The following TENM4 variants were observed in gnomAD, a reference collection of about 807,000 sequenced individuals.
TENM4 encodes the protein teneurin-4.
Under a neutral mutation model 243.3 loss-of-function variants are expected in TENM4, and 82 were observed. That is an observed-to-expected ratio of 0.34 (90% CI 0.28 to 0.40). The LOEUF (loss-of-function observed/expected upper bound fraction) is 0.40, where lower values mean the gene tolerates loss of function less well. Ranked by LOEUF, TENM4 falls within the 10% of genes least tolerant of loss-of-function variation. The pLI is 1.00. For missense variants in TENM4, 3,138 were observed against 3,673.3 expected, an observed-to-expected ratio of 0.85 and a Z score of 3.77; for synonymous variants, 1,412 against 1,456.3, an observed-to-expected ratio of 0.97 and a Z score of 0.69.
intron 9 of TENM4, among the ~76,000 whole-genome samples, chr11:78,878,911 C>T (rs1291975125): frequency 1.3e-5 from 2 of 152,252 alleles, no homozygotes; most frequent in Non-Finnish European, 2.9e-5. Flanking sequence ...TACAATGATA[C>T]AGTAATAGCA....
chr11:79,064,962 G>T lies in TENM4; in HGVS notation c.269C>A (p.Pro90His). ...LRELGLEEVTPPHGTLYRTDI... is the reference protein window; with the variant it reads ...LRELGLEEVTHPHGTLYRTDI... ...TGTCCGGTACAGGGTCCCGTGAGGGGGCGTTACTTCTTCCAGCCCCAGCTC... is the reference window on the plus strand; with the variant it reads ...TGTCCGGTACAGGGTCCCGTGAGGGTGCGTTACTTCTTCCAGCCCCAGCTC... Residue 90 changes from proline (P) to histidine (H), a missense_variant, in exon 6 of 34, where the codon CCC becomes CAC. Pro to His is a moderately conservative substitution (Grantham distance 77). Coordinates refer to ENST00000278550, the MANE Select transcript of TENM4 (RefSeq NM_001098816.3). 1 of 1,475,016 alleles carries T rather than the reference G, an allele frequency of 6.8e-7. No individual in the cohort carries two copies. Among genetic ancestry groups the T allele is most frequent in the Non-Finnish European group, 9.0e-7 (1 of 1,108,372 alleles). 91.4% of individuals were successfully genotyped at this position (1,475,016 alleles called of 1,614,324 possible). A position where few individuals can be genotyped will look rare whatever the true frequency, so the allele number is the denominator to read the frequency against.
rs1863067428 is a variant in TENM4 at position 79,172,504 on chromosome 11, TC to T, written c.-162-23699del. Among the ~76,000 whole-genome samples the T allele has an allele frequency of 3.9e-5, 6 of 152,242 alleles. No homozygotes were observed. The South Asian group carries it at 1.2e-3, about 32-fold the overall frequency. On this transcript the variant is annotated intron_variant, in intron 3 of 33. Coordinates refer to ENST00000278550, the MANE Select transcript of TENM4 (RefSeq NM_001098816.3). ...TGCTTTCCCTCACAGACCATGTTCC[TC>T]CCCAACTCCAATCCATCAGCAAATC...
intron 1 of TENM4, among the ~76,000 whole-genome samples, chr11:79,345,449 G>A (rs1365676012): frequency 6.6e-6 from 1 of 152,068 alleles, no homozygotes; most frequent in Non-Finnish European, 1.5e-5. Context: ...CATCAACAAA[G>A]TCCTGACAAT....
At chr11:79,426,673 G>A (rs112266100) in intron 1 of TENM4, among the ~76,000 whole-genome samples, 1 of 152,264 alleles carries the variant, frequency 6.6e-6, no homozygotes, top group African/African-American at 2.4e-5. Context: ...ACAAAAACAG[G>A]AGTCAAAGAT....
At position 78,777,281 on chromosome 11, in the gene TENM4, AC is replaced by A. The variant is rs1275246399; in HGVS notation, c.2392+1320del. 8.5e-5 allele frequency among the ~76,000 whole-genome samples: 13 copies of A among 152,086 alleles called. No individual in the cohort carries two copies. The East Asian group carries it at 2.1e-3, about 25-fold the overall frequency. On this transcript the variant is annotated intron_variant, in intron 17 of 33. Transcript: ENST00000278550. Reference sequence around the variant, plus strand: ...GAGGACCAGCACATGAAATATGAAGACCCTTGCTCTTCCTCCATCTGTTGGA... The same window carrying A: ...GAGGACCAGCACATGAAATATGAAGACCTTGCTCTTCCTCCATCTGTTGGA...
At chr11:79,296,785 C>T (rs775209696) in intron 2 of TENM4, among the ~76,000 whole-genome samples, 9 of 152,166 alleles carry the variant, frequency 5.9e-5, no homozygotes, top group African/African-American at 1.4e-4. Flanking sequence ...CTTCCTTCTA[C>T]GTTATAGAGT....
At chr11:79,388,585 A>C (rs1858165058) in intron 1 of TENM4, among the ~76,000 whole-genome samples, 1 of 152,180 alleles carries the variant, frequency 6.6e-6, no homozygotes, top group Non-Finnish European at 1.5e-5. Context: ...GGCCTCGTGC[A>C]CACAGGCAGG....
intron 26 of TENM4, among the ~76,000 whole-genome samples, chr11:78,710,972 G>T (rs989911427): frequency 2.0e-5 from 3 of 152,160 alleles, no homozygotes; most frequent in Non-Finnish European, 2.9e-5. Flanking sequence ...GGCTGCAAAG[G>T]GTCTTGGGGA....
At chr11:79,313,202 T>C (rs1349177432) in intron 1 of TENM4, among the ~76,000 whole-genome samples, 17 of 152,242 alleles carry the variant, frequency 1.1e-4, no homozygotes, top group Non-Finnish European at 1.0e-4. Context: ...GAGTTTCTAG[T>C]GTTTGAGAAT....
intron 12 of TENM4, among the ~76,000 whole-genome samples, chr11:78,825,899 A>G (rs530792587): frequency 2.6e-5 from 4 of 152,262 alleles, no homozygotes; most frequent in African/African-American, 9.6e-5. Flanking sequence ...AGAGAGTTCC[A>G]TCTAATGAGC....
At chr11:79,346,355 C>A (rs1227965665) in intron 1 of TENM4, among the ~76,000 whole-genome samples, 1 of 152,082 alleles carries the variant, frequency 6.6e-6, no homozygotes, top group Non-Finnish European at 1.5e-5. Context: ...ATTACAATAC[C>A]TGCCTTCGGG....
chr11:79,241,153 T>C (rs1311598635), intron 2 of TENM4, among the ~76,000 whole-genome samples: 1 of 151,570 alleles, frequency 6.6e-6, no homozygotes, highest in Non-Finnish European at 1.5e-5. Context: ...AATACCATGA[T>C]GAGTTTGTTT....
chr11:79,308,043 G>C (rs1856655740), intron 1 of TENM4, among the ~76,000 whole-genome samples: 1 of 152,234 alleles, frequency 6.6e-6, no homozygotes, highest in African/African-American at 2.4e-5. Flanking sequence ...AGGGCCCAGG[G>C]AATTGCCTCA....
rs1003336797 is a variant in TENM4 at position 79,410,044 on chromosome 11, GA to G, written c.-321+30464del. 2.4e-3 allele frequency among the ~76,000 whole-genome samples: 364 copies of G among 151,712 alleles called. 5 individuals are homozygous for G. Among genetic ancestry groups the G allele is most frequent in the African/African-American group, 8.3e-3 (345 of 41,444 alleles). On this transcript the variant is annotated intron_variant, in intron 1 of 33. Transcript: ENST00000278550. ...CACTAAAATGATAGCTGATGATCTA[GA>G]AAAAAAATAGCAAAAAAACCCATAG...
intron 4 of TENM4, among the ~76,000 whole-genome samples, chr11:79,122,342 C>A (rs572907652): frequency 6.6e-6 from 1 of 152,170 alleles, no homozygotes; most frequent in African/African-American, 2.4e-5. Context: ...TGGAGCTAAT[C>A]GTCCACTAGA....
At chr11:79,408,328 C>A (rs1312424542) in intron 1 of TENM4, among the ~76,000 whole-genome samples, 1 of 152,198 alleles carries the variant, frequency 6.6e-6, no homozygotes, top group African/African-American at 2.4e-5. Flanking sequence ...CCAGGTGAAG[C>A]TGATGCTGCT....
chr11:79,365,384 A>G (rs1857659654), intron 1 of TENM4, among the ~76,000 whole-genome samples: 1 of 152,198 alleles, frequency 6.6e-6, no homozygotes, highest in Non-Finnish European at 1.5e-5. Flanking sequence ...TAGCAACTGT[A>G]TTATGAATGA....
At chr11:79,077,781 A>G (rs1336016173) in intron 4 of TENM4, among the ~76,000 whole-genome samples, 3 of 152,198 alleles carry the variant, frequency 2.0e-5, no homozygotes, top group African/African-American at 4.8e-5. Context: ...ATAAAGTAAC[A>G]TCCCTACATG....
At chr11:79,109,988 A>G (rs1388856567) in intron 4 of TENM4, among the ~76,000 whole-genome samples, 5 of 152,264 alleles carry the variant, frequency 3.3e-5, no homozygotes, top group South Asian at 2.1e-4. Context: ...TTTACTTTCT[A>G]TCCACCTTCT....
Sources: gnomAD v4.1 joint callset for allele counts (sites outside exome capture counted in the v4.1 genomes callset) on GRCh38, gnomAD v4.1.1 for gene constraint, MANE v1.5 for transcripts, NCBI Gene and HGNC (gene_info 2026-07-23, HGNC 2026-07-21) for gene names.